PRDM2: variants seen among roughly 807,000 people sequenced by gnomAD.
The protein encoded by PRDM2 is PR/SET domain 2.
A neutral mutation model predicts 130.0 loss-of-function variants in PRDM2; 30 were observed. The ratio of observed to expected loss-of-function variants is 0.23; its 90% confidence interval spans 0.17 to 0.31. The LOEUF is 0.31. PRDM2 is among the 10% of genes least tolerant of loss of function. The pLI is 1.00. For missense variants in PRDM2, 2,011 were observed against 2,108.4 expected, an observed-to-expected ratio of 0.95 and a Z score of 0.90; for synonymous variants, 871 against 782.4, an observed-to-expected ratio of 1.11 and a Z score of -1.89.
intron 2 of PRDM2, chr1:13,717,488 A>C: frequency 1.1e-6 from 1 of 936,524 alleles, no homozygotes; most frequent in Non-Finnish European, 1.3e-6. Flanking sequence ...CTGTTCAGAA[A>C]TCATTTATTT....
intron 1 of PRDM2, among the ~76,000 whole-genome samples, chr1:13,713,814 G>T (rs549132396): frequency 6.6e-6 from 1 of 152,244 alleles, no homozygotes; most frequent in Non-Finnish European, 1.5e-5. Context: ...CTGGTCGAGG[G>T]TCAGGTGTGC....
At chr1:13,815,141 C>G (rs147808403) in intron 8 of PRDM2, among the ~76,000 whole-genome samples, 41 of 152,278 alleles carry the variant, frequency 2.7e-4, no homozygotes, top group African/African-American at 9.9e-4. Flanking sequence ...GAGTCTTGCT[C>G]TGTTGCCCAG....
At chr1:13,757,111 A>G (rs570931156) in intron 6 of PRDM2, among the ~76,000 whole-genome samples, 14 of 152,362 alleles carry the variant, frequency 9.2e-5, no homozygotes, top group African/African-American at 2.9e-4. Context: ...TACCAAGACT[A>G]TGATTAAGTG....
At chr1:13,708,549 G>C (rs74411297) in intron 1 of PRDM2, among the ~76,000 whole-genome samples, 1 of 152,056 alleles carries the variant, frequency 6.6e-6, no homozygotes, top group Non-Finnish European at 1.5e-5. Context: ...ACTCCACTTC[G>C]CTATTTAGGT....
In PRDM2 at chr1:13,749,462, G is replaced by T; in HGVS notation, c.486G>T (p.Lys162Asn). The T allele has an allele frequency of 6.7e-7, 1 of 1,498,258 alleles. No individual in the cohort carries two copies. Among genetic ancestry groups the T allele is most frequent in the Non-Finnish European group, 9.0e-7 (1 of 1,110,892 alleles). 92.8% of individuals were successfully genotyped at this position (1,498,258 alleles called of 1,614,324 possible). Reference protein sequence around the residue: ...IEEERASARSKRSSPKSRKGK... With the variant: ...IEEERASARSNRSSPKSRKGK... ...AAGAGCGAGCCAGCGCCCGGAGCAAGCGGAGCTCCCCCAAGAGCCGGAAAG... is the reference window on the plus strand; with the variant it reads ...AAGAGCGAGCCAGCGCCCGGAGCAATCGGAGCTCCCCCAAGAGCCGGAAAG... Residue 162 changes from lysine to asparagine, a missense_variant, in exon 6 of 10, where the codon AAG becomes AAT. Physicochemically the swap from Lys to Asn is moderately conservative, Grantham distance 94. Around this residue, in one of 5 missense-constraint regions of PRDM2, gnomAD observed 1,288 missense variants for 1,237.7 expected, o/e 1.04. Transcript: ENST00000311066.
rs761952769 is a variant in PRDM2, at chr1:13,778,474, C to A, written c.679C>A (p.Leu227Ile). Residue 227 changes from leucine to isoleucine, a missense_variant, in exon 8 of 10, where the codon CTC (leucine) becomes ATC (isoleucine). Leu to Ile is a conservative substitution (Grantham distance 5). Around this residue, in one of 5 missense-constraint regions of PRDM2, gnomAD observed 1,288 missense variants for 1,237.7 expected, o/e 1.04. Coordinates refer to ENST00000311066, the MANE Select transcript of PRDM2 (RefSeq NM_001393986.1). ...SASALEQPAT[L>I]QEVASQEVPP... ...CTCAGCACTTGAGCAGCCGGCCACCCTCCAGGAGGTGGCCAGTCAGGAGGT... is the reference window on the plus strand; with the variant it reads ...CTCAGCACTTGAGCAGCCGGCCACCATCCAGGAGGTGGCCAGTCAGGAGGT... The A allele has an allele frequency of 1.2e-6, 2 of 1,614,086 alleles. No individual in the cohort carries two copies. Among genetic ancestry groups the A allele is most frequent in the Admixed American group, 3.3e-5 (2 of 60,024 alleles).
In PRDM2 at chr1:13,823,313, G is replaced by A. The variant is rs1645383434; in HGVS notation, c.*178G>A. On this transcript the variant is annotated 3_prime_UTR_variant, in exon 10 of 10. Transcript: ENST00000311066. ...TGCGTGTGTGTTCACGTGTTCTCGT[G>A]CGGGCGCGTGAGTGGTCTTCAAACG... 8.8e-7 allele frequency: 1 copy of A among 1,136,650 alleles called. No homozygotes were observed. The highest frequency in any genetic ancestry group is 1.5e-5 in the African/African-American group (1 of 64,728). 70.4% of individuals were successfully genotyped at this position (1,136,650 alleles called of 1,614,324 possible).
intron 8 of PRDM2, among the ~76,000 whole-genome samples, chr1:13,816,165 A>G (rs967968856): frequency 8.5e-5 from 13 of 152,156 alleles, no homozygotes; most frequent in African/African-American, 1.7e-4. Flanking sequence ...AACCAGCCCA[A>G]TGGACACTCC....
intron 8 of PRDM2, among the ~76,000 whole-genome samples, chr1:13,798,165 G>A (rs1367203723): frequency 6.6e-6 from 1 of 152,024 alleles, no homozygotes; most frequent in Non-Finnish European, 1.5e-5. Context: ...CTGAGCATGT[G>A]GTAGGAACTC....
intron 5 of PRDM2, among the ~76,000 whole-genome samples, chr1:13,745,159 A>G (rs1643564133): frequency 6.6e-6 from 1 of 152,214 alleles, no homozygotes. Flanking sequence ...GTTTCGTGTT[A>G]TAGGGGAAGA....
intron 6 of PRDM2, among the ~76,000 whole-genome samples, chr1:13,768,472 C>T (rs947929122): frequency 3.3e-5 from 5 of 151,868 alleles, no homozygotes; most frequent in African/African-American, 7.3e-5. Context: ...CTCCACCTCC[C>T]GGGTTCAAGT....
At chr1:13,762,232 C>T (rs1036016710) in intron 6 of PRDM2, among the ~76,000 whole-genome samples, 2 of 152,380 alleles carry the variant, frequency 1.3e-5, no homozygotes, top group African/African-American at 4.8e-5. Context: ...CCATCTGCCT[C>T]GAATGGGATT....
chr1:13,711,170 T>G (rs1028071843), intron 1 of PRDM2, among the ~76,000 whole-genome samples: 1 of 152,152 alleles, frequency 6.6e-6, no homozygotes, highest in African/African-American at 2.4e-5. Context: ...TCTGCACTGC[T>G]GGATTGATCA....
At chr1:13,703,306 G>A (rs1273834000) in intron 1 of PRDM2, among the ~76,000 whole-genome samples, 2 of 152,186 alleles carry the variant, frequency 1.3e-5, no homozygotes, top group Non-Finnish European at 2.9e-5. Flanking sequence ...CCTCTATCAG[G>A]GAGATGCCAG....
intron 9 of PRDM2, among the ~76,000 whole-genome samples, chr1:13,821,796 T>A: frequency 6.6e-6 from 1 of 152,140 alleles, no homozygotes; most frequent in African/African-American, 2.4e-5. Context: ...GATTCACCCA[T>A]GTGCTCAGCT....
chr1:13,775,036 T>C (rs903139006), intron 7 of PRDM2, among the ~76,000 whole-genome samples: 7 of 151,472 alleles, frequency 4.6e-5, no homozygotes, highest in Non-Finnish European at 7.4e-5. Flanking sequence ...CTGGTCAAAG[T>C]GGTGTCGTAG....
At chr1:13,800,139 G>C (rs534065303) in intron 8 of PRDM2, among the ~76,000 whole-genome samples, 6 of 152,352 alleles carry the variant, frequency 3.9e-5, no homozygotes, top group Admixed American at 3.9e-4. Flanking sequence ...TGTTTTAGGT[G>C]CCAGGGGATA....
chr1:13,787,237 T>C (rs1439842461), intron 8 of PRDM2: 7 of 983,622 alleles, frequency 7.1e-6, no homozygotes, highest in African/African-American at 1.7e-5. Flanking sequence ...TCAGAGACTA[T>C]GTAGCAATAT....
intron 1 of PRDM2, among the ~76,000 whole-genome samples, chr1:13,711,212 C>G (rs1164554084): frequency 6.6e-6 from 1 of 152,122 alleles, no homozygotes; most frequent in Non-Finnish European, 1.5e-5. Flanking sequence ...AAACCTTGGC[C>G]TGGAGATACC....
Sources: gnomAD v4.1 joint callset for allele counts (sites outside exome capture counted in the v4.1 genomes callset) on GRCh38, gnomAD v4.1.1 for gene constraint, gnomAD v4.1.1 regional missense constraint, MANE v1.5 for transcripts, NCBI Gene and HGNC (gene_info 2026-07-23, HGNC 2026-07-21) for gene names.